CCDC175: variants seen among roughly 807,000 people sequenced by gnomAD.
CCDC175 encodes coiled-coil domain containing 175.
In CCDC175, 100 loss-of-function variants were observed where a neutral mutation model predicts 114.6. That is an observed-to-expected ratio of 0.87 (90% CI 0.74 to 1.03). The LOEUF is 1.03. Among genes scored for constraint, CCDC175 ranks in the 50% least tolerant of loss-of-function variants. The pLI is 0.00. For synonymous variants in CCDC175, 306 were observed against 308.7 expected (o/e 0.99, Z 0.09); for missense variants, 880 against 917.8 (o/e 0.96, Z 0.53).
In CCDC175 at chr14:59,571,797, A is replaced by G. The variant is rs1449329615; in HGVS notation, c.355+905T>C. On this transcript the variant is annotated intron_variant, in intron 3 of 19. Transcript: ENST00000537690. ...AAAAATTGAATGTACAATACAATCTAGCAATTCTGCTTATGCATAAATATA... is the reference window on the plus strand; with the variant it reads ...AAAAATTGAATGTACAATACAATCTGGCAATTCTGCTTATGCATAAATATA... Among the ~76,000 whole-genome samples the G allele has an allele frequency of 2.0e-5, 3 of 152,336 alleles. No individual in the cohort carries two copies. In the East Asian group the frequency reaches 5.8e-4, roughly 29 times the overall value.
In CCDC175 at chr14:59,505,193, C is replaced by A; in HGVS notation, c.*46G>T. The A allele has an allele frequency of 9.8e-7, 1 of 1,018,256 alleles. No homozygotes were observed. The highest frequency in any genetic ancestry group is 1.8e-5 in the South Asian group (1 of 54,316). 63.1% of individuals were successfully genotyped at this position (1,018,256 alleles called of 1,614,324 possible). A position where few individuals can be genotyped will look rare whatever the true frequency, so the allele number is the denominator to read the frequency against. ...TATGAAAGTAAGTGCACTCACTTTT[C>A]CTGTAGTAGTCTGTCTTTTGAATTC... On this transcript the variant is annotated 3_prime_UTR_variant, in exon 20 of 20. Coordinates refer to ENST00000537690, the MANE Select transcript of CCDC175 (RefSeq NM_001164399.2).
chr14:59,550,351 A>G (rs1895392157), intron 8 of CCDC175, among the ~76,000 whole-genome samples: 2 of 152,150 alleles, frequency 1.3e-5, no homozygotes, highest in Non-Finnish European at 2.9e-5. Flanking sequence ...TGAAGGCTTC[A>G]TTGAATATTT....
Position 59,505,277 on chromosome 14 carries a change from C to T in CCDC175, c.2344G>A (p.Val782Met). ...KHIRTRVHFP[V>M]VKCTEKNTLT... ...GTATTTTTCTCAGTACATTTAACCA[C>T]TGGGAAATGAACCCTTGTACGAATG... is the stretch of plus-strand genomic sequence containing the variant. Residue 782 changes from valine to methionine, a missense_variant, in exon 20 of 20, where the codon GTG (valine) becomes ATG (methionine). Coordinates refer to ENST00000537690, the MANE Select transcript of CCDC175 (RefSeq NM_001164399.2). 1 of 1,510,522 alleles carries T rather than the reference C, an allele frequency of 6.6e-7. No individual in the cohort carries two copies. Among genetic ancestry groups the T allele is most frequent in the East Asian group, 2.5e-5 (1 of 40,562 alleles). 93.6% of individuals were successfully genotyped at this position (1,510,522 alleles called of 1,614,324 possible).
chr14:59,523,607 A>G (rs1360972793), intron 16 of CCDC175, among the ~76,000 whole-genome samples: 1 of 152,232 alleles, frequency 6.6e-6, no homozygotes, highest in East Asian at 1.9e-4. Flanking sequence ...GGGTACATTG[A>G]TAACAGATCT....
chr14:59,535,993 C>T (rs1354224976), intron 13 of CCDC175, among the ~76,000 whole-genome samples: 1 of 152,232 alleles, frequency 6.6e-6, no homozygotes, highest in Non-Finnish European at 1.5e-5. Context: ...CCTCTTCTAA[C>T]AGGCAATCCT....
At chr14:59,521,987 C>G (rs996254175) in intron 16 of CCDC175, among the ~76,000 whole-genome samples, 1 of 152,220 alleles carries the variant, frequency 6.6e-6, no homozygotes, top group Non-Finnish European at 1.5e-5. Context: ...CAAAAATGTT[C>G]CTTATGCAAA....
chr14:59,524,035 G>T (rs35442532), intron 16 of CCDC175, among the ~76,000 whole-genome samples: 1 of 151,804 alleles, frequency 6.6e-6, no homozygotes, highest in Non-Finnish European at 1.5e-5. Flanking sequence ...CCTGTGAGTA[G>T]CAGTTATTCC....
intron 10 of CCDC175, among the ~76,000 whole-genome samples, chr14:59,541,398 A>G (rs1159290295): frequency 1.3e-5 from 2 of 152,216 alleles, no homozygotes; most frequent in African/African-American, 2.4e-5. Context: ...TTTTATCCCC[A>G]GCCCCGCCTT....
intron 3 of CCDC175, among the ~76,000 whole-genome samples, chr14:59,569,907 C>G (rs770693787): frequency 8.5e-5 from 13 of 152,082 alleles, no homozygotes; most frequent in Non-Finnish European, 1.5e-4. Flanking sequence ...AGCCACCATC[C>G]CTAGGGCTGA....
At chr14:59,538,867 CATTAA>C in intron 11 of CCDC175, 27 bp from the exon 12 acceptor site, 1 of 1,511,386 alleles carries the variant, frequency 6.6e-7, no homozygotes, top group Non-Finnish European at 8.8e-7. Flanking sequence ...AAAGAATTGC[CATTAA>C]ATTGACATAG....
At chr14:59,518,244 T>C (rs1291785693) in intron 17 of CCDC175, among the ~76,000 whole-genome samples, 1 of 152,062 alleles carries the variant, frequency 6.6e-6, no homozygotes. Context: ...GCAATACCAT[T>C]CAGGACATAG....
At chr14:59,565,475 T>G (rs1220422686) in intron 4 of CCDC175, among the ~76,000 whole-genome samples, 200 bp from the exon 5 acceptor site, 1 of 152,100 alleles carries the variant, frequency 6.6e-6, no homozygotes, top group Non-Finnish European at 1.5e-5. Context: ...GAGGCCGAGG[T>G]GGGCAAATCA....
chr14:59,551,168 C>A (rs1895450306), intron 8 of CCDC175, 187 bp downstream of exon 8: 2 of 420,272 alleles, frequency 4.8e-6, no homozygotes, highest in East Asian at 3.9e-5. Flanking sequence ...CATGGACAAC[C>A]TTTGCTCTTT....
At chr14:59,522,092 C>T (rs1893456434) in intron 16 of CCDC175, among the ~76,000 whole-genome samples, 1 of 152,230 alleles carries the variant, frequency 6.6e-6, no homozygotes, top group Non-Finnish European at 1.5e-5. Flanking sequence ...CAGGAGACTG[C>T]ATGGAATTAC....
intron 17 of CCDC175, among the ~76,000 whole-genome samples, chr14:59,516,171 T>C (rs1449221836): frequency 1.3e-5 from 2 of 152,198 alleles, no homozygotes; most frequent in Non-Finnish European, 2.9e-5. Context: ...CAAAGCAGTA[T>C]GTAGAGGGAA....
intron 13 of CCDC175, among the ~76,000 whole-genome samples, chr14:59,533,750 AGGCAGAGGCG>A (rs1042225251): frequency 6.6e-6 from 1 of 152,160 alleles, no homozygotes; most frequent in African/African-American, 2.4e-5. Flanking sequence ...GCACTTTGGG[AGGCAGAGGCG>A]GGCAGATCAC....
intron 16 of CCDC175, among the ~76,000 whole-genome samples, chr14:59,522,502 C>A (rs1893480471): frequency 1.3e-5 from 2 of 152,112 alleles, no homozygotes; most frequent in South Asian, 4.2e-4. Flanking sequence ...CATTCTTGCC[C>A]CTCTTTGACC....
rs1894570439 is a variant in CCDC175, at chr14:59,538,766, A to C, written c.1430T>G (p.Ile477Arg). 1 of 1,536,666 alleles carries C rather than the reference A, an allele frequency of 6.5e-7. No individual in the cohort carries two copies. The highest frequency in any genetic ancestry group is 1.4e-5 in the African/African-American group (1 of 73,010). Residue 477 changes from isoleucine (I) to arginine (R), a missense_variant, in exon 12 of 20, where the codon ATA (isoleucine) becomes AGA (arginine). Transcript: ENST00000537690. ...CTGAATTTTTTCTGTAATAGCTTGT[A>C]TTTCAGCTTTTATCTTGGCTGTCCA... is the stretch of plus-strand genomic sequence containing the variant. ...ARWTAKIKAEIQAITEKIQNA... is the reference protein window; with the variant it reads ...ARWTAKIKAERQAITEKIQNA...
chr14:59,573,609 T>TG (rs1319300165), intron 2 of CCDC175, among the ~76,000 whole-genome samples: 2 of 61,418 alleles, frequency 3.3e-5, no homozygotes, highest in African/African-American at 1.2e-4. Flanking sequence ...TCTGGTTTTT[T>TG]GTTTTTTTGT....
Sources: allele counts gnomAD v4.1 joint callset (sites outside exome capture counted in the v4.1 genomes callset), GRCh38; gene constraint gnomAD v4.1.1; transcripts MANE v1.5; gene names NCBI Gene and HGNC (gene_info 2026-07-23, HGNC 2026-07-21).